Variants in LDB3 observed in about 807,000 individuals in gnomAD.
The protein encoded by LDB3 is LIM domain-binding protein 3.
LDB3 carries 49 observed loss-of-function variants against 69.0 expected under a neutral mutation model. The ratio of observed to expected loss-of-function variants is 0.71; its 90% confidence interval spans 0.56 to 0.90. LDB3 has a LOEUF of 0.90. Among genes scored for constraint, LDB3 ranks in the 40% least tolerant of loss-of-function variants. LDB3 has a pLI of 0.00. For synonymous variants in LDB3, 387 were observed against 396.2 expected (o/e 0.98, Z 0.28); for missense variants, 928 against 974.1 (o/e 0.95, Z 0.63).
At chr10:86,679,949 G>T in intron 3 of LDB3, 133 bp from the exon 4 acceptor site, 1 of 794,534 alleles carries the variant, frequency 1.3e-6, no homozygotes, top group South Asian at 1.4e-5. Context: ...GTGGATCTGG[G>T]GCCCTCTGAC....
rs121908336 is a variant in LDB3, at chr10:86,706,669, C to T, written c.1035C>T (p.Ile345=). 1,033 of 1,612,788 alleles carry T rather than the reference C, an allele frequency of 6.4e-4. 1 individual carries two copies. Among genetic ancestry groups the T allele is most frequent in the Non-Finnish European group, 8.3e-4 (981 of 1,179,812 alleles). Residue 345 remains isoleucine (I), a synonymous_variant, in exon 8 of 14, where the codon ATC becomes ATT. Coordinates refer to ENST00000361373, the MANE Select transcript of LDB3 (RefSeq NM_007078.3). ...CCACAGCTGCTGCCCACACTGCCAT[C>T]GCCTCCGCCTCCACCACAGCCCCTG... ...PLATAAAHTA[I]ASASTTAPAS...
Position 86,735,652 on chromosome 10 carries a change from GC to G in LDB3, c.*2677del, listed in dbSNP as rs1378291122. ...CAAAATTAGCCAGGTGTGGTGGCAG[GC>G]GCCTGTAGTTCCAGCTACTTGGGAG... is the stretch of plus-strand genomic sequence containing the variant. On this transcript the variant is annotated 3_prime_UTR_variant, in exon 14 of 14. Transcript: ENST00000361373. 3.3e-5 allele frequency: 5 copies of G among 152,002 alleles called. No individual in the cohort carries two copies. Among genetic ancestry groups the G allele is most frequent in the Middle Eastern group, 3.4e-3 (1 of 294 alleles). 9.4% of individuals were successfully genotyped at this position (152,002 alleles called of 1,614,324 possible).
intron 9 of LDB3, 101 bp from the exon 10 acceptor site, chr10:86,716,226 T>C: frequency 7.2e-7 from 1 of 1,383,038 alleles, no homozygotes; most frequent in Non-Finnish European, 1.0e-6. Flanking sequence ...ACTGCTCTAA[T>C]GTTAAAGTCA....
chr10:86,702,066 T>A (rs1370506592), intron 7 of LDB3, among the ~76,000 whole-genome samples: 1 of 152,166 alleles, frequency 6.6e-6, no homozygotes, highest in Non-Finnish European at 1.5e-5. Context: ...TGAGCCATAG[T>A]CACCAGGCAG....
chr10:86,722,625 G>C (rs570081354), intron 12 of LDB3, among the ~76,000 whole-genome samples: 1 of 129,592 alleles, frequency 7.7e-6, no homozygotes, highest in Admixed American at 9.3e-5. Context: ...GAGTACAGTG[G>C]CATGCTATCT....
chr10:86,670,446 G>A (rs989231248), intron 2 of LDB3, among the ~76,000 whole-genome samples: 1 of 152,112 alleles, frequency 6.6e-6, no homozygotes, highest in Non-Finnish European at 1.5e-5. Flanking sequence ...CTGGGACTGA[G>A]CCCACATCTC....
In LDB3 at chr10:86,726,208, G is replaced by A. The variant is rs754552434; in HGVS notation, c.2050G>A (p.Glu684Lys). The change falls in exon 13 of 14, where the codon GAA (glutamate) becomes AAA (lysine). Residue 684 changes from glutamate (E) to lysine (K), a missense_variant. Glu to Lys is a moderately conservative substitution (Grantham distance 56). Transcript: ENST00000361373. The stretch of plus-strand genomic sequence containing the variant: ...CGTGGAGGCTGGCGACAAGTTTATC[G>A]AAGCCCTGGGCCACACTTGGCACGA... The part of the protein sequence containing the change: ...FPVEAGDKFI[E>K]ALGHTWHDTC... 1.9e-5 allele frequency: 30 copies of A among 1,613,954 alleles called. No individual in the cohort carries two copies. In the East Asian group the frequency reaches 3.3e-4, roughly 18 times the overall value.
intron 7 of LDB3, among the ~76,000 whole-genome samples, chr10:86,703,669 A>G (rs1480075923): frequency 6.6e-6 from 1 of 152,250 alleles, no homozygotes; most frequent in Non-Finnish European, 1.5e-5. Context: ...ACACCTCACC[A>G]GATGAAGGAA....
At chr10:86,685,596 T>A (rs1845422716) in intron 5 of LDB3, 3 of 1,418,606 alleles carry the variant, frequency 2.1e-6, no homozygotes, top group African/African-American at 2.8e-5. Flanking sequence ...ATGACCAGGC[T>A]GATGATGGCC....
At chr10:86,710,285 G>T in intron 9 of LDB3, 1 of 984,180 alleles carries the variant, frequency 1.0e-6, no homozygotes, top group Non-Finnish European at 1.2e-6. Flanking sequence ...GGAGAGCGAA[G>T]GAGAGCAGAG....
intron 9 of LDB3, among the ~76,000 whole-genome samples, chr10:86,715,056 C>T (rs1227468058): frequency 6.6e-6 from 1 of 152,218 alleles, no homozygotes; most frequent in African/African-American, 2.4e-5. Flanking sequence ...GAGCCACAGG[C>T]TGCCCCAGGC....
rs951920111 is a variant in LDB3, at chr10:86,685,792, G to T, written c.689+3989G>T. ...TGGCGTGGATAGAGTGTGCCTGCTGGCATGTGTACATGTATGTGCATATGT... is the reference window on the plus strand; with the variant it reads ...TGGCGTGGATAGAGTGTGCCTGCTGTCATGTGTACATGTATGTGCATATGT... On this transcript the variant is annotated intron_variant, in intron 5 of 13. Transcript: ENST00000361373. 7 of 1,430,358 alleles carry T rather than the reference G, an allele frequency of 4.9e-6. No individual in the cohort carries two copies. In the African/African-American group the frequency reaches 8.4e-5, roughly 17 times the overall value. 88.6% of individuals were successfully genotyped at this position (1,430,358 alleles called of 1,614,324 possible). A position where few individuals can be genotyped will look rare whatever the true frequency, so the allele number is the denominator to read the frequency against.
At chr10:86,667,367 C>A (rs1844222743), upstream of LDB3, among the ~76,000 whole-genome samples, 1 of 152,140 alleles carries the variant, frequency 6.6e-6, no homozygotes, top group South Asian at 2.1e-4. Flanking sequence ...GTTTCTCCAA[C>A]CAAGGAGCCA....
At chr10:86,690,596 C>T (rs1222414041) in intron 5 of LDB3, among the ~76,000 whole-genome samples, 1 of 152,252 alleles carries the variant, frequency 6.6e-6, no homozygotes, top group East Asian at 1.9e-4. Context: ...ACACAGGGAC[C>T]AGTCCTGGGA....
Position 86,668,516 on chromosome 10 carries a change from T to A in LDB3, c.-78T>A. On this transcript the variant is annotated 5_prime_UTR_variant, in exon 1 of 14. Coordinates refer to ENST00000361373, the MANE Select transcript of LDB3 (RefSeq NM_007078.3). ...GATGGCATTCGCTCCCAGCTATTCT[T>A]AGGAGCCTCTCAAGAGCTCCACGCA... is the stretch of plus-strand genomic sequence containing the variant. 1.4e-6 allele frequency: 1 copy of A among 692,036 alleles called. No individual in the cohort carries two copies. The highest frequency in any genetic ancestry group is 1.5e-5 in the South Asian group (1 of 66,476). The allele number at this position is 692,036 out of a possible 1,614,324, so 42.9% of individuals were successfully genotyped here.
At chr10:86,681,291 C>T (rs1845107813) in intron 4 of LDB3, 145 bp from the exon 5 acceptor site, 2 of 1,238,320 alleles carry the variant, frequency 1.6e-6, no homozygotes, top group Non-Finnish European at 2.3e-6. Flanking sequence ...GTCCTCCCCT[C>T]CAAGTGCTGC....
At chr10:86,666,919 T>A (rs938103969), upstream of LDB3, 3 of 460,060 alleles carry the variant, frequency 6.5e-6, no homozygotes, top group Middle Eastern at 3.5e-4. Flanking sequence ...TATGCCCTGC[T>A]GCTGAGTCCT....
At chr10:86,670,200 G>A (rs1844385980) in intron 2 of LDB3, among the ~76,000 whole-genome samples, 1 of 152,134 alleles carries the variant, frequency 6.6e-6, no homozygotes, top group Admixed American at 6.5e-5. Context: ...TGCAGATGTG[G>A]CTTGTTCTAA....
At chr10:86,707,647 C>T (rs183948256) in intron 8 of LDB3, among the ~76,000 whole-genome samples, 2 of 152,296 alleles carry the variant, frequency 1.3e-5, no homozygotes, top group African/African-American at 4.8e-5. Flanking sequence ...CTGGCCCCCA[C>T]GGTTTGCTGG....
Sources: gnomAD v4.1 joint callset for allele counts (sites outside exome capture counted in the v4.1 genomes callset) on GRCh38, gnomAD v4.1.1 for gene constraint, MANE v1.5 for transcripts, NCBI Gene and HGNC (gene_info 2026-07-23, HGNC 2026-07-21) for gene names.